KCNH1: variants seen among roughly 807,000 people sequenced by gnomAD.
The protein encoded by KCNH1 is potassium voltage-gated channel subfamily H member 1.
In KCNH1, 27 loss-of-function variants were observed where a neutral mutation model predicts 69.2. The ratio of observed to expected loss-of-function variants is 0.39; its 90% CI spans 0.29 to 0.54. KCNH1 has a LOEUF of 0.54. Ranked by LOEUF, KCNH1 falls within the 20% of genes least tolerant of loss-of-function variation. The pLI is 0.68. For missense variants in KCNH1, 798 were observed against 1,261.6 expected (o/e 0.63, Z 5.57); for synonymous variants, 456 against 487.7 (o/e 0.93, Z 0.86).
At chr1:211,059,143 G>A (rs976965525) in intron 5 of KCNH1, among the ~76,000 whole-genome samples, 9 of 151,928 alleles carry the variant, frequency 5.9e-5, no homozygotes, top group Admixed American at 4.6e-4. Flanking sequence ...AGCTAGGTAT[G>A]GTGGCATGTG....
chr1:211,081,140 A>T (rs1253371085), intron 5 of KCNH1, among the ~76,000 whole-genome samples: 2 of 152,234 alleles, frequency 1.3e-5, no homozygotes, highest in Admixed American at 6.5e-5. Context: ...AAACAACCCC[A>T]TCAAAAAGTG....
chr1:210,718,691 C>CACAT (rs1432186980), intron 10 of KCNH1, among the ~76,000 whole-genome samples: 8 of 109,500 alleles, frequency 7.3e-5, no homozygotes, highest in African/African-American at 2.0e-4. Flanking sequence ...CACACACACA[C>CACAT]ATATATATAT....
chr1:210,818,186 T>G (rs1327991851), intron 7 of KCNH1, among the ~76,000 whole-genome samples: 1 of 152,094 alleles, frequency 6.6e-6, no homozygotes, highest in Non-Finnish European at 1.5e-5. Context: ...TTTAGAAAAC[T>G]TGAAATGGAT....
At chr1:211,003,311 G>A (rs531461037) in intron 6 of KCNH1, among the ~76,000 whole-genome samples, 6 of 152,196 alleles carry the variant, frequency 3.9e-5, no homozygotes, top group Admixed American at 6.5e-5. Flanking sequence ...ATGAGATTAC[G>A]GTATTTATTT....
intron 6 of KCNH1, among the ~76,000 whole-genome samples, chr1:210,948,432 C>A (rs1241833883): frequency 3.3e-5 from 5 of 152,050 alleles, no homozygotes; most frequent in Non-Finnish European, 7.4e-5. Context: ...CAGGGGTCAA[C>A]AAACATTTTC....
intron 3 of KCNH1, among the ~76,000 whole-genome samples, chr1:211,092,009 C>G (rs1055867388): frequency 2.6e-5 from 4 of 152,204 alleles, no homozygotes; most frequent in Non-Finnish European, 5.9e-5. Flanking sequence ...AACTGAATAA[C>G]TATTTGTTGA....
chr1:210,945,591 C>A (rs569950512), intron 6 of KCNH1, among the ~76,000 whole-genome samples: 2 of 152,274 alleles, frequency 1.3e-5, no homozygotes, highest in South Asian at 4.1e-4. Context: ...TCACAGTGGT[C>A]CCCAAGGTCC....
intron 4 of KCNH1, among the ~76,000 whole-genome samples, chr1:211,085,006 T>C (rs547409841): frequency 6.6e-6 from 1 of 152,196 alleles, no homozygotes; most frequent in Admixed American, 6.5e-5. Context: ...GAGTACAGAA[T>C]GCTGTGGCCA....
rs538037282 is a variant in KCNH1, at chr1:211,111,311, G to A, written c.80-3934C>T. Among the ~76,000 whole-genome samples, 533 of 152,052 alleles carry A rather than the reference G, an allele frequency of 3.5e-3. 7 individuals carry two copies. The highest frequency in any genetic ancestry group is 0.012 in the African/African-American group (509 of 41,500). Reference sequence around the variant, plus strand: ...ACCGCCTCTGCCCAGCGGTCCCACCGTCTGGGAAGTCAGGAGCGCCTCTGC... The same window carrying A: ...ACCGCCTCTGCCCAGCGGTCCCACCATCTGGGAAGTCAGGAGCGCCTCTGC... On this transcript the variant is annotated intron_variant, in intron 1 of 10. Coordinates refer to ENST00000271751, the MANE Select transcript of KCNH1 (RefSeq NM_172362.3).
intron 5 of KCNH1, among the ~76,000 whole-genome samples, chr1:211,045,287 G>A (rs1057488594): frequency 4.0e-5 from 6 of 151,574 alleles, no homozygotes; most frequent in South Asian, 2.1e-4. Flanking sequence ...AAGGGAGTGA[G>A]GAATAAAATA....
chr1:210,740,535 G>A (rs573187215), intron 10 of KCNH1, among the ~76,000 whole-genome samples: 18 of 151,928 alleles, frequency 1.2e-4, no homozygotes, highest in African/African-American at 4.3e-4. Flanking sequence ...GCCAGAAGCT[G>A]GTCTCTTCTG....
intron 10 of KCNH1, among the ~76,000 whole-genome samples, chr1:210,684,463 C>T (rs1368195583): frequency 2.6e-5 from 4 of 152,204 alleles, no homozygotes; most frequent in African/African-American, 9.7e-5. Context: ...AGGGGACTGT[C>T]CTAGCCTCTG....
chr1:211,109,998 A>T (rs1691428549), intron 1 of KCNH1, among the ~76,000 whole-genome samples: 1 of 151,834 alleles, frequency 6.6e-6, no homozygotes, highest in Non-Finnish European at 1.5e-5. Context: ...AAAGTAGTAC[A>T]GAAAGAGAAA....
intron 8 of KCNH1, among the ~76,000 whole-genome samples, chr1:210,802,486 A>G (rs1186615355): frequency 6.6e-6 from 1 of 152,210 alleles, no homozygotes; most frequent in Non-Finnish European, 1.5e-5. Flanking sequence ...AAAGACTGAG[A>G]AGCAGAGAAT....
At chr1:210,941,878 G>T (rs1687882613) in intron 6 of KCNH1, among the ~76,000 whole-genome samples, 1 of 152,128 alleles carries the variant, frequency 6.6e-6, no homozygotes, top group Non-Finnish European at 1.5e-5. Context: ...TTATGGTTTT[G>T]ACTCTGTCCT....
intron 7 of KCNH1, among the ~76,000 whole-genome samples, chr1:210,870,424 T>C (rs1029115351): frequency 6.6e-6 from 1 of 152,154 alleles, no homozygotes; most frequent in African/African-American, 2.4e-5. Context: ...AGCACAAGAA[T>C]TGAAAAAAGC....
At chr1:210,693,073 C>T (rs929258160) in intron 10 of KCNH1, among the ~76,000 whole-genome samples, 2 of 152,150 alleles carry the variant, frequency 1.3e-5, no homozygotes, top group East Asian at 3.9e-4. Flanking sequence ...CAGCTGAAGC[C>T]GGCATAGAAG....
intron 7 of KCNH1, chr1:210,861,668 A>G (rs1685981348): frequency 1.3e-6 from 1 of 772,682 alleles, no homozygotes; most frequent in African/African-American, 1.7e-5. Flanking sequence ...ACAAGATCAT[A>G]GAAGATCTTG....
chr1:211,068,264 T>C (rs987988916), intron 5 of KCNH1, among the ~76,000 whole-genome samples: 3 of 152,256 alleles, frequency 2.0e-5, no homozygotes, highest in Non-Finnish European at 4.4e-5. Context: ...CTATGAGCTA[T>C]GGATGGAGAA....
Sources: gnomAD v4.1 joint callset for allele counts (sites outside exome capture counted in the v4.1 genomes callset) on GRCh38, gnomAD v4.1.1 for gene constraint, MANE v1.5 for transcripts, NCBI Gene and HGNC (gene_info 2026-07-23, HGNC 2026-07-21) for gene names.